The following NTRK2 variants were observed in gnomAD, a reference collection of about 807,000 sequenced individuals.
NTRK2 encodes neurotrophic receptor tyrosine kinase 2, also known as BDNF/NT-3 growth factors receptor.
NTRK2 carries 13 observed loss-of-function variants against 94.5 expected under a neutral mutation model. That is an observed-to-expected ratio of 0.14 (90% CI 0.09 to 0.22). The LOEUF is 0.22. NTRK2 is among the 10% of genes least tolerant of loss of function. The pLI is 1.00. For missense variants in NTRK2, 639 were observed against 1,071.2 expected, an observed-to-expected ratio of 0.60 and a Z score of 5.63; for synonymous variants, 372 against 407.4, an observed-to-expected ratio of 0.91 and a Z score of 1.05.
At chr9:84,807,753 G>A (rs1048922518) in intron 12 of NTRK2, among the ~76,000 whole-genome samples, 15 of 152,148 alleles carry the variant, frequency 9.9e-5, no homozygotes, top group African/African-American at 3.6e-4. Context: ...TTTATAATAT[G>A]AGAGGGCAAA....
chr9:84,786,290 A>G (rs2068102336), intron 12 of NTRK2, among the ~76,000 whole-genome samples: 1 of 152,166 alleles, frequency 6.6e-6, no homozygotes, highest in Non-Finnish European at 1.5e-5. Context: ...CTTTGCATGC[A>G]TTATCCCATG....
intron 14 of NTRK2, among the ~76,000 whole-genome samples, chr9:84,878,584 A>G (rs1008121515): frequency 6.6e-6 from 1 of 151,358 alleles, no homozygotes; most frequent in African/African-American, 2.4e-5. Flanking sequence ...CAGTGAGCCG[A>G]GATCATGCCA....
intron 2 of NTRK2, among the ~76,000 whole-genome samples, chr9:84,680,684 C>G (rs576635690): frequency 1.1e-4 from 16 of 152,310 alleles, no homozygotes; most frequent in African/African-American, 3.6e-4. Context: ...TCCTTCTGCT[C>G]CTGACTAAAG....
intron 12 of NTRK2, among the ~76,000 whole-genome samples, chr9:84,844,041 C>T (rs893479455): frequency 2.0e-5 from 3 of 152,088 alleles, no homozygotes; most frequent in Admixed American, 6.5e-5. Context: ...AGGGGAGATA[C>T]GAGAAGAAAG....
chr9:84,992,931 ATG>A (rs1829271831), intron 17 of NTRK2, among the ~76,000 whole-genome samples: 1 of 146,294 alleles, frequency 6.8e-6, no homozygotes, highest in South Asian at 2.1e-4. Context: ...AATATATTTA[ATG>A]TATTATATAT....
At chr9:84,816,004 A>C (rs1226073556) in intron 12 of NTRK2, among the ~76,000 whole-genome samples, 1 of 152,172 alleles carries the variant, frequency 6.6e-6, no homozygotes, top group African/African-American at 2.4e-5. Context: ...AAAAAAAAAA[A>C]AAACTTATGC....
At chr9:84,981,324 A>T (rs2133229966) in intron 17 of NTRK2, among the ~76,000 whole-genome samples, 1 of 150,456 alleles carries the variant, frequency 6.6e-6, no homozygotes, top group Non-Finnish European at 1.5e-5. Context: ...CTGGCCTTGA[A>T]CTCCTGACCT....
intron 12 of NTRK2, among the ~76,000 whole-genome samples, chr9:84,833,976 T>C (rs2073725260): frequency 6.6e-6 from 1 of 152,162 alleles, no homozygotes; most frequent in Non-Finnish European, 1.5e-5. Flanking sequence ...GGTGTCTCCA[T>C]GTCTTAGTTC....
At chr9:84,955,989 C>T (rs1029069119) in intron 17 of NTRK2, among the ~76,000 whole-genome samples, 2 of 152,144 alleles carry the variant, frequency 1.3e-5, no homozygotes, top group South Asian at 2.1e-4. Context: ...GGCACTCCAG[C>T]GTGGTGGGTG....
intron 17 of NTRK2, among the ~76,000 whole-genome samples, chr9:85,001,680 C>T (rs1420400809): frequency 6.6e-6 from 1 of 152,174 alleles, no homozygotes; most frequent in Non-Finnish European, 1.5e-5. Flanking sequence ...ATCTCTTGCT[C>T]ACTCCTGCTC....
At chr9:84,724,142 A>T in intron 7 of NTRK2, 82 bp from the exon 8 acceptor site, 1 of 1,431,222 alleles carries the variant, frequency 7.0e-7, no homozygotes, top group Non-Finnish European at 9.9e-7. Context: ...TATTTTCTCT[A>T]GTTAGGGGAA....
chr9:84,745,143 G>A lies in NTRK2; in HGVS notation c.1296+70G>A. ...GATGCCTCCATGTTAGAGGAATGTAGCTGCTTCAATAAGACACTTTTATTG... is the reference window on the plus strand; with the variant it reads ...GATGCCTCCATGTTAGAGGAATGTAACTGCTTCAATAAGACACTTTTATTG... On this transcript the variant is annotated intron_variant, in intron 11 of 18. Transcript: ENST00000277120. 4 of 1,027,886 alleles carry A rather than the reference G, an allele frequency of 3.9e-6. No homozygotes were observed. In the East Asian group the frequency reaches 9.5e-5, roughly 24 times the overall value. 63.7% of individuals were successfully genotyped at this position (1,027,886 alleles called of 1,614,324 possible). A position where few individuals can be genotyped will look rare whatever the true frequency, so the allele number is the denominator to read the frequency against.
At chr9:84,831,105 G>A (rs906762144) in intron 12 of NTRK2, among the ~76,000 whole-genome samples, 1 of 152,286 alleles carries the variant, frequency 6.6e-6, no homozygotes, top group African/African-American at 2.4e-5. Flanking sequence ...AGTATTGGAT[G>A]TTTAAGTAAT....
chr9:84,917,270 A>G (rs1272666236), intron 14 of NTRK2, among the ~76,000 whole-genome samples: 1 of 152,194 alleles, frequency 6.6e-6, no homozygotes, highest in Non-Finnish European at 1.5e-5. Context: ...TTTTAAATTG[A>G]GTATTGAATT....
intron 17 of NTRK2, among the ~76,000 whole-genome samples, chr9:84,973,449 G>A (rs1361995765): frequency 6.6e-6 from 1 of 152,178 alleles, no homozygotes; most frequent in African/African-American, 2.4e-5. Context: ...TGTAATGAGT[G>A]TGAAATGAAC....
intron 12 of NTRK2, among the ~76,000 whole-genome samples, chr9:84,779,280 T>C (rs1026210631): frequency 6.6e-6 from 1 of 152,186 alleles, no homozygotes. Context: ...GACTTTTTTT[T>C]TCTTTTCTTT....
At chr9:84,668,747 GCGTTCGCGCACA>G (rs1554684041), upstream of NTRK2, 2 of 152,260 alleles carry the variant, frequency 1.3e-5, no homozygotes, top group Non-Finnish European at 2.9e-5. Flanking sequence ...CGCAGGGCAC[GCGTTCGCGCACA>G]CCCTAGCACA....
At chr9:84,780,354 T>G (rs1053028131) in intron 12 of NTRK2, among the ~76,000 whole-genome samples, 1 of 152,078 alleles carries the variant, frequency 6.6e-6, no homozygotes, top group African/African-American at 2.4e-5. Context: ...ACCTAAAATG[T>G]TTACTCTCTG....
chr9:84,952,246 C>T (rs1823552001), intron 16 of NTRK2, among the ~76,000 whole-genome samples: 2 of 152,184 alleles, frequency 1.3e-5, no homozygotes, highest in Admixed American at 6.5e-5. Flanking sequence ...AACTCATGGT[C>T]TTAACCACTC....
Sources: allele counts gnomAD v4.1 joint callset (sites outside exome capture counted in the v4.1 genomes callset), GRCh38; gene constraint gnomAD v4.1.1; transcripts MANE v1.5; gene names NCBI Gene and HGNC (gene_info 2026-07-23, HGNC 2026-07-21).